Variants in LMCD1 observed in about 807,000 individuals in gnomAD.
LMCD1 encodes LIM and cysteine-rich domains protein 1.
Under a neutral mutation model 42.7 loss-of-function variants are expected in LMCD1, and 32 were observed. That is an observed-to-expected ratio of 0.75 (90% CI 0.57 to 1.01). The LOEUF is 1.01. Ranked by LOEUF, LMCD1 falls within the 50% of genes least tolerant of loss-of-function variation. The pLI is 0.00. For missense variants in LMCD1, 458 were observed against 483.1 expected (o/e 0.95, Z 0.49); for synonymous variants, 178 against 184.9 (o/e 0.96, Z 0.30).
chr3:8,529,686 T>C (rs541877342), intron 1 of LMCD1, among the ~76,000 whole-genome samples: 34 of 152,280 alleles, frequency 2.2e-4, no homozygotes, highest in Non-Finnish European at 3.5e-4. Flanking sequence ...AGGCAACTCT[T>C]TTTACAAGTC....
In LMCD1 at chr3:8,505,134, C is replaced by T. The variant is rs185256221; in HGVS notation, c.42+3154C>T. Reference sequence around the variant, plus strand: ...AGTCCTTGGTGGTGGCGGTACATTTCAGTGGGTGCATGGATGCGGAAAGGA... The same window carrying T: ...AGTCCTTGGTGGTGGCGGTACATTTTAGTGGGTGCATGGATGCGGAAAGGA... On this transcript the variant is annotated intron_variant, in intron 1 of 5. Transcript: ENST00000157600. Among the ~76,000 whole-genome samples the T allele has an allele frequency of 5.1e-4, 78 of 152,328 alleles. 1 individual carries two copies. The highest frequency in any genetic ancestry group is 5.0e-3 in the Admixed American group (76 of 15,298).
chr3:8,561,059 A>G (rs1448603852), intron 4 of LMCD1, among the ~76,000 whole-genome samples: 1 of 152,250 alleles, frequency 6.6e-6, no homozygotes, highest in Non-Finnish European at 1.5e-5. Flanking sequence ...ATATATGAGT[A>G]TATTAAGTAT....
In LMCD1 at chr3:8,548,833, C is replaced by T; in HGVS notation, c.653C>T (p.Pro218Leu). The T allele has an allele frequency of 6.3e-7, 1 of 1,595,970 alleles. No individual in the cohort carries two copies. Among genetic ancestry groups the T allele is most frequent in the Non-Finnish European group, 8.6e-7 (1 of 1,168,166 alleles). The change falls in exon 4 of 6, where the codon CCA becomes CTA. Residue 218 changes from proline to leucine, a missense_variant. Pro to Leu is a moderately conservative substitution (Grantham distance 98). Transcript: ENST00000157600. ...GAGGAGGGGAAGCAGCAGGAAAAGC[C>T]AGAGGGGGCAGAGACCACTGCTGCT... ...PKEEGKQQEKPEGAETTAATT... is the reference protein window; with the variant it reads ...PKEEGKQQEKLEGAETTAATT...
chr3:8,573,504 G>C lies in LMCD1; in HGVS notation c.*5906G>C, dbSNP rs1401775380. 2.0e-5 allele frequency: 3 copies of C among 152,194 alleles called. No homozygotes were observed. The highest frequency in any genetic ancestry group is 2.9e-5 in the Non-Finnish European group (2 of 68,030). 9.4% of individuals were successfully genotyped at this position (152,194 alleles called of 1,614,324 possible). A position where few individuals can be genotyped will look rare whatever the true frequency, so the allele number is the denominator to read the frequency against. ...ATCAGGCTTTGGCTCCAAATGTTTGGCTTCAAATATGAAAAAGTTACATGA... is the reference window on the plus strand; with the variant it reads ...ATCAGGCTTTGGCTCCAAATGTTTGCCTTCAAATATGAAAAAGTTACATGA... On this transcript the variant is annotated 3_prime_UTR_variant, in exon 6 of 6. Transcript: ENST00000157600.
intron 1 of LMCD1, among the ~76,000 whole-genome samples, chr3:8,519,925 A>AGAGAGT (rs1553605823): frequency 0.028 from 4,089 of 147,840 alleles, 103 homozygotes; most frequent in African/African-American, 0.066. Flanking sequence ...TGTGAGAGAG[A>AGAGAGT]GTGTGTGTGT....
At chr3:8,544,752 A>G (rs986284313) in intron 3 of LMCD1, among the ~76,000 whole-genome samples, 4 of 152,308 alleles carry the variant, frequency 2.6e-5, no homozygotes, top group African/African-American at 9.6e-5. Context: ...TCCAGCCCCA[A>G]GCGATAAGCT....
intron 1 of LMCD1, chr3:8,515,112 G>T (rs1256559477): frequency 4.6e-6 from 2 of 433,816 alleles, no homozygotes; most frequent in African/African-American, 4.0e-5. Flanking sequence ...TGGAAAGTGA[G>T]TTCCTGCTGC....
chr3:8,553,251 C>T (rs534249277), intron 4 of LMCD1, among the ~76,000 whole-genome samples: 4 of 152,324 alleles, frequency 2.6e-5, no homozygotes, highest in Admixed American at 2.0e-4. Context: ...CTCCCTCCCA[C>T]CTTGTCCACC....
chr3:8,550,942 C>T, intron 4 of LMCD1: 1 of 985,406 alleles, frequency 1.0e-6, no homozygotes, highest in Non-Finnish European at 1.2e-6. Context: ...AAGGCAAAGG[C>T]AGCCCAAGAA....
chr3:8,565,888 C>T (rs1027901858), intron 5 of LMCD1, among the ~76,000 whole-genome samples: 6 of 152,236 alleles, frequency 3.9e-5, no homozygotes, highest in African/African-American at 1.4e-4. Flanking sequence ...GGCATAATGC[C>T]TAGCACTTAG....
chr3:8,519,123 G>C (rs985011745), intron 1 of LMCD1, among the ~76,000 whole-genome samples: 1 of 152,190 alleles, frequency 6.6e-6, no homozygotes, highest in African/African-American at 2.4e-5. Context: ...AAGTGACCCT[G>C]CCCTCATGGA....
At chr3:8,511,909 T>TC (rs1212152439) in intron 1 of LMCD1, among the ~76,000 whole-genome samples, 1 of 151,928 alleles carries the variant, frequency 6.6e-6, no homozygotes, top group Admixed American at 6.6e-5. Flanking sequence ...TCCAGCAAAC[T>TC]CCCCCAAGTT....
At chr3:8,554,209 G>C (rs1182085731) in intron 4 of LMCD1, among the ~76,000 whole-genome samples, 1 of 152,156 alleles carries the variant, frequency 6.6e-6, no homozygotes, top group Admixed American at 6.5e-5. Context: ...CAACCAGTGA[G>C]AGAGGTTGGG....
chr3:8,529,501 T>C (rs1694365144), intron 1 of LMCD1, among the ~76,000 whole-genome samples: 1 of 152,204 alleles, frequency 6.6e-6, no homozygotes, highest in African/African-American at 2.4e-5. Context: ...CCTGACTGCA[T>C]GGGCTTTCTT....
At chr3:8,559,522 T>A (rs1446378857) in intron 4 of LMCD1, among the ~76,000 whole-genome samples, 2 of 152,330 alleles carry the variant, frequency 1.3e-5, no homozygotes, top group South Asian at 4.1e-4. Context: ...CACACAGCTA[T>A]GAACCCAGGC....
At position 8,537,329 on chromosome 3, in the gene LMCD1, G is replaced by C; in HGVS notation, c.276G>C (p.Arg92=). The part of the protein sequence containing the change: ...TARVKGGDGI[R]IYKRNRMIMT... ...GGGTGAAAGGCGGGGACGGCATCCGGATTTACAAGAGGAACCGGATGATCA... is the reference window on the plus strand; with the variant it reads ...GGGTGAAAGGCGGGGACGGCATCCGCATTTACAAGAGGAACCGGATGATCA... Residue 92 remains arginine, a synonymous_variant, in exon 3 of 6, where the codon CGG becomes CGC. Transcript: ENST00000157600. 6.2e-7 allele frequency: 1 copy of C among 1,614,186 alleles called. No individual in the cohort carries two copies. The highest frequency in any genetic ancestry group is 8.5e-7 in the Non-Finnish European group (1 of 1,180,046).
intron 1 of LMCD1, among the ~76,000 whole-genome samples, chr3:8,516,403 G>T (rs1694101462): frequency 6.6e-6 from 1 of 152,094 alleles, no homozygotes; most frequent in South Asian, 2.1e-4. Flanking sequence ...TACCAAAATA[G>T]GGCCAGTGGA....
At position 8,573,323 on chromosome 3, in the gene LMCD1, T is replaced by C. The variant is rs892978204; in HGVS notation, c.*5725T>C. 1 of 152,218 alleles carries C rather than the reference T, an allele frequency of 6.6e-6. No individual in the cohort carries two copies. Among genetic ancestry groups the C allele is most frequent in the Non-Finnish European group, 1.5e-5 (1 of 68,034 alleles). 9.4% of individuals were successfully genotyped at this position (152,218 alleles called of 1,614,324 possible). The stretch of plus-strand genomic sequence containing the variant: ...CATGGTGTTTCGATATATGTATACA[T>C]CGTGGAATGGCTAAATCAAGCTAAC... On this transcript the variant is annotated 3_prime_UTR_variant, in exon 6 of 6. Coordinates refer to ENST00000157600, the MANE Select transcript of LMCD1 (RefSeq NM_014583.4).
intron 1 of LMCD1, among the ~76,000 whole-genome samples, chr3:8,512,999 G>A (rs1424407588): frequency 6.6e-6 from 1 of 152,098 alleles, no homozygotes; most frequent in East Asian, 1.9e-4. Context: ...AGATGAGCTG[G>A]GCAGCTAGTT....
Sources: gnomAD v4.1 joint callset for allele counts (sites outside exome capture counted in the v4.1 genomes callset) on GRCh38, gnomAD v4.1.1 for gene constraint, MANE v1.5 for transcripts, NCBI Gene and HGNC (gene_info 2026-07-23, HGNC 2026-07-21) for gene names.